The following C3orf49 variants were observed in gnomAD, a reference collection of about 807,000 sequenced individuals.
C3orf49 encodes the protein chromosome 3 open reading frame 49.
C3orf49 carries 27 observed loss-of-function variants against 13.3 expected under a neutral mutation model. The observed-to-expected ratio is 2.02, with a 90% CI of 1.49 to 2.79. The LOEUF is 2.79. C3orf49 is among the 30% of genes most tolerant of loss of function. The probability of loss-of-function intolerance (pLI) is 0.00; values close to 1 mark genes in which losing one functional copy is unlikely to be tolerated. For synonymous variants in C3orf49, 87 were observed against 47.6 expected (o/e 1.83, Z -3.40); for missense variants, 242 against 134.2 (o/e 1.80, Z -3.97).
In C3orf49 at chr3:63,822,068, C is replaced by CG. The variant is rs562584099; in HGVS notation, c.126-1179dup. Among the ~76,000 whole-genome samples, 455 of 152,122 alleles carry CG rather than the reference C, an allele frequency of 3.0e-3. 3 individuals are homozygous for CG. Among genetic ancestry groups the CG allele is most frequent in the African/African-American group, 0.01 (431 of 41,520 alleles). The stretch of plus-strand genomic sequence containing the variant: ...TCGGCTCACTGCAAGCTCTGCCTCC[C>CG]GGGTTCACAACATTCTCCTGCCTCA... On this transcript the variant is annotated intron_variant, in intron 1 of 6. Coordinates refer to ENST00000295896, the MANE Select transcript of C3orf49 (RefSeq NM_001355236.2).
chr3:63,834,442 C>T (rs1320241544), intron 5 of C3orf49, among the ~76,000 whole-genome samples: 1 of 151,724 alleles, frequency 6.6e-6, no homozygotes, highest in Non-Finnish European at 1.5e-5. Flanking sequence ...GGTGGATCAC[C>T]TGAGGTCAGG....
chr3:63,811,508 A>G, the C3orf49 span, among the ~76,000 whole-genome samples: 1 of 151,536 alleles, frequency 6.6e-6, no homozygotes, highest in African/African-American at 2.4e-5. Flanking sequence ...CAGTGAGCCG[A>G]GATCATATCA....
intron 5 of C3orf49, chr3:63,834,196 T>G (rs140872243): frequency 3.0e-5 from 49 of 1,613,904 alleles, no homozygotes; most frequent in Non-Finnish European, 3.9e-5. Context: ...GAGTTTTTCA[T>G]CATCTGTAAT....
At chr3:63,843,867 C>T (rs1701825513) in intron 5 of C3orf49, among the ~76,000 whole-genome samples, 1 of 151,822 alleles carries the variant, frequency 6.6e-6, no homozygotes, top group Non-Finnish European at 1.5e-5. Context: ...CGCCACTGCA[C>T]TCCAGCCTGG....
the C3orf49 span, among the ~76,000 whole-genome samples, chr3:63,795,079 G>C: frequency 6.6e-6 from 1 of 152,034 alleles, no homozygotes; most frequent in African/African-American, 2.4e-5. Flanking sequence ...GACTGATTGC[G>C]GGCAGAGCCT....
the C3orf49 span, among the ~76,000 whole-genome samples, chr3:63,813,024 C>G: frequency 6.6e-6 from 1 of 152,116 alleles, no homozygotes; most frequent in African/African-American, 2.4e-5. Flanking sequence ...GTGTTCATAG[C>G]TTTAGCACAT....
intron 5 of C3orf49, chr3:63,832,855 G>A (rs990606140): frequency 3.9e-5 from 6 of 151,970 alleles, no homozygotes; most frequent in African/African-American, 1.2e-4. Context: ...CTTTTAATAT[G>A]ACTACAACTG....
the C3orf49 span, among the ~76,000 whole-genome samples, chr3:63,780,992 A>C: frequency 7.9e-5 from 12 of 151,388 alleles, no homozygotes; most frequent in East Asian, 5.8e-4. Flanking sequence ...TCTTTAGTTT[A>C]ATTAGATCCC....
intron 1 of C3orf49, 93 bp downstream of exon 1, chr3:63,819,689 A>G (rs1350164768): frequency 4.5e-6 from 3 of 673,096 alleles, no homozygotes; most frequent in African/African-American, 3.6e-5. Flanking sequence ...AGGAATGAGG[A>G]CTCTGGATGG....
At chr3:63,785,065 C>CTTTTTTTTTTTTTTTTTTT in the C3orf49 span, among the ~76,000 whole-genome samples, 3 of 64,944 alleles carry the variant, frequency 4.6e-5, no homozygotes, top group African/African-American at 1.4e-4. Flanking sequence ...TCTTCTTCTT[C>CTTTTTTTTTTTTTTTTTTT]TTTTTTTTTT....
At chr3:63,780,110 A>G in the C3orf49 span, 1 of 152,170 alleles carries the variant, frequency 6.6e-6, no homozygotes, top group Non-Finnish European at 1.5e-5. Context: ...ATTTAACATT[A>G]GGTATATCTC....
At chr3:63,839,683 C>T in intron 5 of C3orf49, 1 of 1,612,260 alleles carries the variant, frequency 6.2e-7, no homozygotes, top group South Asian at 1.1e-5. Context: ...AGAGTTGCAC[C>T]ATTTAATGAA....
At chr3:63,831,615 A>G (rs1701532172) in intron 4 of C3orf49, 65 bp from the exon 5 acceptor site, 1 of 677,980 alleles carries the variant, frequency 1.5e-6, no homozygotes, top group Non-Finnish European at 2.6e-6. Flanking sequence ...AAAAGCAACT[A>G]TCCCTTTGAT....
At chr3:63,824,836 C>A (rs75015385) in intron 2 of C3orf49, among the ~76,000 whole-genome samples, 817 of 107,328 alleles carry the variant, frequency 7.6e-3, no homozygotes, top group Middle Eastern at 0.015. Flanking sequence ...GACCCTGTCT[C>A]AAAAAAAAAA....
chr3:63,811,608 A>G, the C3orf49 span, among the ~76,000 whole-genome samples: 23 of 151,904 alleles, frequency 1.5e-4, 1 homozygote, highest in East Asian at 3.1e-3. Context: ...AGAGCCAGGC[A>G]CACTGGCTCA....
chr3:63,810,284 A>C, the C3orf49 span, among the ~76,000 whole-genome samples: 1 of 152,128 alleles, frequency 6.6e-6, no homozygotes, highest in Non-Finnish European at 1.5e-5. Context: ...TTAAAATTTC[A>C]CATATTATTT....
At chr3:63,810,075 T>G in the C3orf49 span, among the ~76,000 whole-genome samples, 2 of 151,548 alleles carry the variant, frequency 1.3e-5, no homozygotes, top group African/African-American at 2.4e-5. Flanking sequence ...GAACCCAGGA[T>G]ATGGAGGTTG....
At chr3:63,812,051 A>C in the C3orf49 span, among the ~76,000 whole-genome samples, 73 of 152,250 alleles carry the variant, frequency 4.8e-4, no homozygotes, top group African/African-American at 1.6e-3. Context: ...TTCCCACCCA[A>C]CTGGGGTGCC....
At chr3:63,785,965 A>T in the C3orf49 span, 1 of 152,236 alleles carries the variant, frequency 6.6e-6, no homozygotes, top group East Asian at 1.9e-4. Flanking sequence ...AAAACCCAGT[A>T]GTAGTATTTA....
Sources: allele counts gnomAD v4.1 joint callset (sites outside exome capture counted in the v4.1 genomes callset), GRCh38; gene constraint gnomAD v4.1.1; transcripts MANE v1.5; gene names NCBI Gene and HGNC (gene_info 2026-07-23, HGNC 2026-07-21).